The following SRGAP3 variants were observed in gnomAD, a reference collection of about 807,000 sequenced individuals.
SRGAP3 encodes SLIT-ROBO Rho GTPase-activating protein 3.
In SRGAP3, 39 loss-of-function variants were observed where a neutral mutation model predicts 121.1. That is an observed-to-expected ratio of 0.32 (90% CI 0.25 to 0.42). The LOEUF (loss-of-function observed/expected upper bound fraction) is 0.42. SRGAP3 is among the 10% of genes least tolerant of loss of function. The pLI is 1.00. For missense variants in SRGAP3, 1,213 were observed against 1,470.6 expected, an observed-to-expected ratio of 0.82 and a Z score of 2.86; for synonymous variants, 601 against 570.0, an observed-to-expected ratio of 1.05 and a Z score of -0.77.
chr3:9,160,682 T>G (rs762415200), intron 1 of SRGAP3, among the ~76,000 whole-genome samples: 6 of 152,220 alleles, frequency 3.9e-5, no homozygotes, highest in Non-Finnish European at 8.8e-5. Context: ...ACTGGTACAT[T>G]TTGGAATAAT....
upstream of SRGAP3, among the ~76,000 whole-genome samples, chr3:9,251,060 A>G (rs561986555): frequency 2.0e-5 from 3 of 152,298 alleles, no homozygotes; most frequent in Admixed American, 6.5e-5. Context: ...TCAGAAATGA[A>G]TAGGTTATCC....
chr3:8,991,016 C>T (rs1942025506), intron 20 of SRGAP3, among the ~76,000 whole-genome samples, 177 bp from the exon 21 acceptor site: 1 of 152,206 alleles, frequency 6.6e-6, no homozygotes, highest in Non-Finnish European at 1.5e-5. Flanking sequence ...CAGCACACAG[C>T]TCAGCAGCAG....
Position 8,984,585 on chromosome 3 carries a change from G to A in SRGAP3, c.*934C>T, listed in dbSNP as rs1338947059. The stretch of plus-strand genomic sequence containing the variant: ...CCACATGTAATACTGTGCTACGATG[G>A]GGCTTAGGTTCTCACTATCCCCCGT... On this transcript the variant is annotated 3_prime_UTR_variant, in exon 22 of 22. Transcript: ENST00000383836. 1 of 232,514 alleles carries A rather than the reference G, an allele frequency of 4.3e-6. No individual in the cohort carries two copies. The highest frequency in any genetic ancestry group is 5.6e-5 in the Admixed American group (1 of 17,748). The allele number at this position is 232,514 out of a possible 1,614,324, so 14.4% of individuals were successfully genotyped here. A position where few individuals can be genotyped will look rare whatever the true frequency, so the allele number is the denominator to read the frequency against.
At position 9,321,593 on chromosome 3, in the gene SRGAP3, G is replaced by A. The variant is rs1955439367; in HGVS notation, n.442+4417C>T. Among the ~76,000 whole-genome samples, 4 of 151,960 alleles carry A rather than the reference G, an allele frequency of 2.6e-5. No individual in the cohort carries two copies. In the South Asian group the frequency reaches 8.3e-4, roughly 32 times the overall value. ...TCGGGTTTGTCATTTGTTGGTGCTG[G>A]TCTACAACCAACCACAAACCCAGAT... On this transcript the variant is annotated intron_variant and non_coding_transcript_variant, in intron 3 of 3. Transcript: ENST00000490889.
chr3:9,289,085 G>C (rs550899200), intron 3 of SRGAP3, among the ~76,000 whole-genome samples: 44 of 151,638 alleles, frequency 2.9e-4, no homozygotes, highest in African/African-American at 9.9e-4. Context: ...TTTTAGTAGA[G>C]ATGGGGTTTT....
chr3:9,301,732 C>T (rs532518898), intron 3 of SRGAP3, among the ~76,000 whole-genome samples: 71 of 152,288 alleles, frequency 4.7e-4, no homozygotes, highest in African/African-American at 1.6e-3. Context: ...CAGGAATGAG[C>T]GTGGGACGCA....
chr3:9,263,465 A>T (rs2668364), intron 3 of SRGAP3, among the ~76,000 whole-genome samples: 35,141 of 152,090 alleles, frequency 0.23, 4,334 homozygotes, highest in Non-Finnish European at 0.28. Flanking sequence ...CAAAATAGAT[A>T]GACTGCTAGC....
At chr3:9,053,254 C>T in intron 8 of SRGAP3, 30 bp from the exon 9 acceptor site, 2 of 1,603,490 alleles carry the variant, frequency 1.2e-6, no homozygotes, top group South Asian at 2.2e-5. Context: ...TGACAAAAAT[C>T]CTGTATTCTC....
intron 3 of SRGAP3, among the ~76,000 whole-genome samples, chr3:9,317,823 G>C (rs1955373397): frequency 6.6e-6 from 1 of 152,148 alleles, no homozygotes; most frequent in African/African-American, 2.4e-5. Flanking sequence ...CTGATACGGG[G>C]AGTGACTCCA....
chr3:9,173,522 A>C (rs1415665931), intron 1 of SRGAP3, among the ~76,000 whole-genome samples: 1 of 152,220 alleles, frequency 6.6e-6, no homozygotes, highest in Non-Finnish European at 1.5e-5. Context: ...AACTAGAATA[A>C]GAGCAGAGAG....
chr3:9,194,743 C>T (rs571431775), intron 1 of SRGAP3, among the ~76,000 whole-genome samples: 35 of 152,180 alleles, frequency 2.3e-4, no homozygotes, highest in Non-Finnish European at 4.3e-4. Flanking sequence ...TTGTTCTTTC[C>T]CCTCCAATAA....
At chr3:9,225,944 C>A (rs540196413) in intron 1 of SRGAP3, among the ~76,000 whole-genome samples, 4 of 152,310 alleles carry the variant, frequency 2.6e-5, no homozygotes, top group African/African-American at 9.6e-5. Context: ...AAAATCTCCT[C>A]ATTTTTACAA....
Position 8,992,917 on chromosome 3 carries a change from C to T in SRGAP3, c.2547G>A (p.Gly849=), listed in dbSNP as rs117520029. 1.5e-4 allele frequency: 237 copies of T among 1,614,186 alleles called. 1 individual carries two copies. In the East Asian group the frequency reaches 4.7e-3, roughly 32 times the overall value. Residue 849 remains glycine (G), a synonymous_variant, in exon 20 of 22, where the codon GGG becomes GGA. Coordinates refer to ENST00000383836, the MANE Select transcript of SRGAP3 (RefSeq NM_014850.4). The part of the protein sequence containing the change: ...TEHISDYGFG[G]VMGRVRLRSD... ...TCCGCATATCCTACCGGCCCATCAC[C>T]CCCCCAAAGCCGTAATCCGAGATGT... is the stretch of plus-strand genomic sequence containing the variant.
intron 2 of SRGAP3, among the ~76,000 whole-genome samples, chr3:9,121,780 A>G (rs920730678): frequency 3.3e-5 from 5 of 152,140 alleles, no homozygotes; most frequent in African/African-American, 1.2e-4. Context: ...CTGATTCCTA[A>G]TCAAGGGGAA....
chr3:9,064,918 C>G (rs1946357009), intron 4 of SRGAP3, among the ~76,000 whole-genome samples: 1 of 151,980 alleles, frequency 6.6e-6, no homozygotes, highest in African/African-American at 2.4e-5. Context: ...GTAACCGTAG[C>G]TCCAAGCATC....
At chr3:9,160,336 A>G (rs968911158) in intron 1 of SRGAP3, among the ~76,000 whole-genome samples, 1 of 152,138 alleles carries the variant, frequency 6.6e-6, no homozygotes, top group African/African-American at 2.4e-5. Context: ...ATGGTGTATG[A>G]CTTCCAAGCC....
At chr3:9,276,675 T>C (rs1954586442) in intron 3 of SRGAP3, among the ~76,000 whole-genome samples, 1 of 152,330 alleles carries the variant, frequency 6.6e-6, no homozygotes, top group Middle Eastern at 3.4e-3. Context: ...TCCGCCCACC[T>C]TGGCCTCCCA....
chr3:9,248,962 G>T lies in SRGAP3; in HGVS notation c.-11C>A, dbSNP rs775952418. On this transcript the variant is annotated 5_prime_UTR_variant, in exon 1 of 22. Coordinates refer to ENST00000383836, the MANE Select transcript of SRGAP3 (RefSeq NM_014850.4). ...AGTTTGAGATGACATCTTCTGACGT[G>T]GCCAAAGGAACTGACAGGCTGTTTG... 1.2e-6 allele frequency: 2 copies of T among 1,613,934 alleles called. No homozygotes were observed. Among genetic ancestry groups the T allele is most frequent in the African/African-American group, 2.7e-5 (2 of 75,014 alleles).
intron 1 of SRGAP3, among the ~76,000 whole-genome samples, chr3:9,201,876 AT>A (rs1342031758): frequency 6.6e-6 from 1 of 152,212 alleles, no homozygotes; most frequent in Admixed American, 6.5e-5. Flanking sequence ...TGTGCTGTGC[AT>A]TTTCAGATCC....
Sources: allele counts gnomAD v4.1 joint callset (sites outside exome capture counted in the v4.1 genomes callset), GRCh38; gene constraint gnomAD v4.1.1; transcripts MANE v1.5; gene names NCBI Gene and HGNC (gene_info 2026-07-23, HGNC 2026-07-21).